Variants in AK5 observed in about 807,000 individuals in gnomAD.
AK5 encodes adenylate kinase 5, also known as adenylate kinase isoenzyme 5.
AK5 carries 27 observed loss-of-function variants against 69.5 expected under a neutral mutation model. The observed-to-expected ratio is 0.39, with a 90% CI of 0.29 to 0.54. The LOEUF is 0.54. Ranked by LOEUF, AK5 falls within the 20% of genes least tolerant of loss-of-function variation. AK5 has a pLI of 0.71. For synonymous variants in AK5, 260 were observed against 244.4 expected (o/e 1.06, Z -0.60); for missense variants, 531 against 700.4 (o/e 0.76, Z 2.73).
Position 77,411,067 on chromosome 1 carries a change from A to G in AK5, c.978A>G (p.Ala326=), listed in dbSNP as rs548975261. The change falls in exon 7 of 14, where the codon GCA becomes GCG. Residue 326 remains alanine, a synonymous_variant. Coordinates refer to ENST00000354567, the MANE Select transcript of AK5 (RefSeq NM_174858.3). ...DNKLFPNKEA[A]AGSSDLDPSM... ...AGTTATTTCCAAACAAAGAGGCTGC[A>G]GCAGGTAAGTCACTGTGTCCTTTAG... The G allele has an allele frequency of 8.3e-5, 134 of 1,613,120 alleles. 1 individual carries two copies. The South Asian group carries it at 1.4e-3, about 17-fold the overall frequency.
rs914372199 is a variant in AK5, at chr1:77,370,618, G to A, written c.891+30050G>A. On this transcript the variant is annotated intron_variant, in intron 6 of 13. Coordinates refer to ENST00000354567, the MANE Select transcript of AK5 (RefSeq NM_174858.3). ...CTCAAAGGGGACAGTGGATAGAATG[G>A]AATGGACATGACATTCTTCCTCTTG... is the stretch of plus-strand genomic sequence containing the variant. 4.6e-5 allele frequency among the ~76,000 whole-genome samples: 7 copies of A among 152,300 alleles called. No homozygotes were observed. The South Asian group carries it at 1.5e-3, about 32-fold the overall frequency.
In AK5 at chr1:77,450,595, C is replaced by T. The variant is rs551342410; in HGVS notation, c.1060-32722C>T. Reference sequence around the variant, plus strand: ...CCCAAGGTCACACAACTAATAACGTCCTCACTCTAAGTTCATCACTTTCCA... The same window carrying T: ...CCCAAGGTCACACAACTAATAACGTTCTCACTCTAAGTTCATCACTTTCCA... On this transcript the variant is annotated intron_variant, in intron 8 of 13. Transcript: ENST00000354567. 3.3e-5 allele frequency among the ~76,000 whole-genome samples: 5 copies of T among 152,248 alleles called. No individual in the cohort carries two copies. The South Asian group carries it at 6.2e-4, about 19-fold the overall frequency.
At chr1:77,451,860 G>T (rs1292571441) in intron 8 of AK5, among the ~76,000 whole-genome samples, 2 of 152,314 alleles carry the variant, frequency 1.3e-5, no homozygotes, top group East Asian at 3.9e-4. Context: ...CCTGAAATCT[G>T]TAAGGTACCC....
intron 8 of AK5, among the ~76,000 whole-genome samples, chr1:77,471,667 T>C (rs1654519084): frequency 6.6e-6 from 1 of 152,198 alleles, no homozygotes; most frequent in Admixed American, 6.5e-5. Flanking sequence ...GAAGTATCTG[T>C]CATTGGAGTG....
chr1:77,323,019 G>T (rs1037379562), intron 5 of AK5, among the ~76,000 whole-genome samples: 2 of 149,058 alleles, frequency 1.3e-5, no homozygotes, highest in Admixed American at 6.7e-5. Flanking sequence ...ACAGAATTTC[G>T]CTCTGTCACC....
At chr1:77,470,857 ATATATATATATATATATAT>A (rs1256231268) in intron 8 of AK5, among the ~76,000 whole-genome samples, 102 of 2,000 alleles carry the variant, frequency 0.051, 6 homozygotes, top group East Asian at 0.14. Context: ...ATATATATAT[ATATATATATATATATATAT>A]TTTTTTTTTT....
intron 3 of AK5, among the ~76,000 whole-genome samples, chr1:77,295,830 G>T (rs907180008): frequency 6.6e-6 from 1 of 152,108 alleles, no homozygotes; most frequent in Non-Finnish European, 1.5e-5. Flanking sequence ...AATTTTATAT[G>T]AAAATGATTA....
intron 6 of AK5, among the ~76,000 whole-genome samples, chr1:77,403,923 C>G (rs1026001588): frequency 6.6e-6 from 1 of 152,128 alleles, no homozygotes; most frequent in African/African-American, 2.4e-5. Context: ...TTCTTCCTAC[C>G]CATGAGCATG....
At chr1:77,527,997 T>G (rs1461590001) in intron 12 of AK5, among the ~76,000 whole-genome samples, 2 of 152,206 alleles carry the variant, frequency 1.3e-5, no homozygotes, top group African/African-American at 4.8e-5. Context: ...AGGCAGAGGT[T>G]GCAGTGAGCC....
intron 6 of AK5, among the ~76,000 whole-genome samples, chr1:77,369,228 C>A (rs12748599): frequency 0.23 from 34,718 of 152,026 alleles, 4,936 homozygotes; most frequent in Non-Finnish European, 0.3. Context: ...TAAAATCAGA[C>A]AGTCAGTGAT....
intron 8 of AK5, among the ~76,000 whole-genome samples, chr1:77,458,180 C>T (rs942340043): frequency 8.6e-5 from 13 of 151,484 alleles, no homozygotes; most frequent in Admixed American, 7.9e-4. Flanking sequence ...GGGGAAAATC[C>T]ATTTCCTTGC....
chr1:77,303,439 T>C (rs1436632364), intron 5 of AK5, among the ~76,000 whole-genome samples: 1 of 152,234 alleles, frequency 6.6e-6, no homozygotes, highest in Admixed American at 6.5e-5. Context: ...AGAAAAGTAA[T>C]CATATTTTCC....
rs10526328 is a variant in AK5, at chr1:77,533,509, C to CAAAAAAAAAAAAA, written c.1429-2324_1429-2312dup. 3.5e-4 allele frequency among the ~76,000 whole-genome samples: 33 copies of CAAAAAAAAAAAAA among 94,936 alleles called. 1 individual carries two copies. The highest frequency in any genetic ancestry group is 1.5e-3 in the African/African-American group (30 of 20,084). The allele number at this position is 94,936 out of a possible 152,430, so 62.3% of individuals were successfully genotyped here. On this transcript the variant is annotated intron_variant, in intron 12 of 13. Coordinates refer to ENST00000354567, the MANE Select transcript of AK5 (RefSeq NM_174858.3). ...AGGCTGCAGAGCAAGACTCTGTCAC[C>CAAAAAAAAAAAAA]AAAAAAAAAAAAAAAAAAAAAAAAA...
rs1363697582 is a variant in AK5 at position 77,368,242 on chromosome 1, T to TAAA, written c.891+27675_891+27676insAAA. On this transcript the variant is annotated intron_variant, in intron 6 of 13. Transcript: ENST00000354567. ...ATATATATATATATATATATATATATATATATATATAATATATATGTTATA... is the reference window on the plus strand; with the variant it reads ...ATATATATATATATATATATATATATAAAATATATATATAATATATATGTTATA... 6.3e-4 allele frequency among the ~76,000 whole-genome samples: 8 copies of TAAA among 12,726 alleles called. 1 individual carries two copies. The South Asian group carries it at 0.017, about 26-fold the overall frequency. 8.3% of individuals were successfully genotyped at this position (12,726 alleles called of 152,430 possible). A position where few individuals can be genotyped will look rare whatever the true frequency, so the allele number is the denominator to read the frequency against.
intron 6 of AK5, among the ~76,000 whole-genome samples, chr1:77,367,853 TAATATATAA>T (rs1647019473): frequency 1.2e-3 from 3 of 2,530 alleles, no homozygotes; most frequent in African/African-American, 3.7e-3. Flanking sequence ...ATATTATATA[TAATATATAA>T]TATATGTGAT....
chr1:77,444,376 CTATATATAG>C (rs1227774916), intron 8 of AK5, among the ~76,000 whole-genome samples: 1 of 35,110 alleles, frequency 2.8e-5, no homozygotes, highest in Non-Finnish European at 4.9e-5. Context: ...TAAATATATA[CTATATATAG>C]TATATATAGT....
chr1:77,476,718 G>A (rs1188259179), intron 8 of AK5, among the ~76,000 whole-genome samples: 1 of 152,164 alleles, frequency 6.6e-6, no homozygotes, highest in Non-Finnish European at 1.5e-5. Context: ...TGCACAAGTT[G>A]CATAAGCTTT....
chr1:77,358,186 G>T (rs984013475), intron 6 of AK5, among the ~76,000 whole-genome samples: 1 of 152,078 alleles, frequency 6.6e-6, no homozygotes, highest in African/African-American at 2.4e-5. Context: ...TTTCTGTGCA[G>T]TGTTTTTCTA....
intron 8 of AK5, among the ~76,000 whole-genome samples, chr1:77,433,706 C>T (rs1285065118): frequency 1.3e-5 from 2 of 151,990 alleles, no homozygotes; most frequent in East Asian, 3.8e-4. Flanking sequence ...TGGCTTAAGA[C>T]AAAAAGTTTT....
Sources: gnomAD v4.1 joint callset for allele counts (sites outside exome capture counted in the v4.1 genomes callset) on GRCh38, gnomAD v4.1.1 for gene constraint, MANE v1.5 for transcripts, NCBI Gene and HGNC (gene_info 2026-07-23, HGNC 2026-07-21) for gene names.